Variants in DNAAF5 observed in about 807,000 individuals in gnomAD.
DNAAF5 encodes dynein axonemal assembly factor 5.
A neutral mutation model predicts 75.8 loss-of-function variants in DNAAF5; 64 were observed. The ratio of observed to expected loss-of-function variants is 0.84; its 90% confidence interval spans 0.69 to 1.04. The LOEUF (loss-of-function observed/expected upper bound fraction) is 1.04. DNAAF5 is among the 50% of genes least tolerant of loss of function. DNAAF5 has a pLI of 0.00. For missense variants in DNAAF5, 1,269 were observed against 1,178.5 expected, an observed-to-expected ratio of 1.08 and a Z score of -1.12; for synonymous variants, 657 against 557.2, an observed-to-expected ratio of 1.18 and a Z score of -2.52.
At chr7:782,651 C>A (rs577735242) in intron 12 of DNAAF5, among the ~76,000 whole-genome samples, 2 of 129,680 alleles carry the variant, frequency 1.5e-5, no homozygotes, top group East Asian at 4.7e-4. Flanking sequence ...CCTCCCGTCA[C>A]GCAGCGTCAG....
chr7:763,719 C>T (rs1258096080), intron 7 of DNAAF5, 87 bp from the exon 8 acceptor site: 12 of 1,437,720 alleles, frequency 8.3e-6, no homozygotes, highest in African/African-American at 7.0e-5. Flanking sequence ...GGTTCTTACG[C>T]GTGAGGGGGA....
chr7:734,952 A>T (rs1437500701), intron 2 of DNAAF5, among the ~76,000 whole-genome samples: 1 of 134,822 alleles, frequency 7.4e-6, no homozygotes, highest in Non-Finnish European at 1.6e-5. Flanking sequence ...TGTTGCTCAT[A>T]GTGTTGTTCT....
rs534027051 is a variant in DNAAF5, at chr7:763,905, G to A, written c.1714G>A (p.Ala572Thr). Reference protein sequence around the residue: ...HIGPLLERVTASHLDWTAHSP... With the variant: ...HIGPLLERVTTSHLDWTAHSP... ...TGGTCCCCTCCTGGAGCGGGTGACC[G>A]CGTCGCACCTTGACTGGACCGCACA... The change falls in exon 8 of 13, where the codon GCG (alanine) becomes ACG (threonine). Residue 572 changes from alanine to threonine, a missense_variant. Physicochemically the swap from Ala to Thr is moderately conservative, Grantham distance 58 (BLOSUM62 0). Coordinates refer to ENST00000297440, the MANE Select transcript of DNAAF5 (RefSeq NM_017802.4). 103 of 1,612,200 alleles carry A rather than the reference G, an allele frequency of 6.4e-5. No individual in the cohort carries two copies. The highest frequency in any genetic ancestry group is 3.0e-4 in the South Asian group (27 of 91,088).
chr7:756,255 T>C (rs956275461), intron 5 of DNAAF5, among the ~76,000 whole-genome samples: 1 of 136,756 alleles, frequency 7.3e-6, no homozygotes, highest in African/African-American at 2.8e-5. Flanking sequence ...AATCCCATGG[T>C]GCAGAGGGGC....
chr7:769,098 G>A, intron 8 of DNAAF5: 1 of 740,252 alleles, frequency 1.4e-6, no homozygotes, highest in Non-Finnish European at 2.5e-6. Flanking sequence ...GTCTCCGTGT[G>A]GCAAGGGCAG....
chr7:767,616 G>A (rs1457326594), intron 8 of DNAAF5, among the ~76,000 whole-genome samples: 2 of 152,234 alleles, frequency 1.3e-5, no homozygotes, highest in Non-Finnish European at 2.9e-5. Flanking sequence ...TGGGAAGACA[G>A]GTGTGGTGTG....
At position 749,098 on chromosome 7, in the gene DNAAF5, C is replaced by T. The variant is rs556511670; in HGVS notation, c.1025-5491C>T. On this transcript the variant is annotated intron_variant, in intron 4 of 12. Coordinates refer to ENST00000297440, the MANE Select transcript of DNAAF5 (RefSeq NM_017802.4). ...TTTCCATTAACAGCACTGAAACCTC[C>T]GCCTTAAAAACCAAGCTTCGTGCTG... Among the ~76,000 whole-genome samples, 6 of 152,290 alleles carry T rather than the reference C, an allele frequency of 3.9e-5. No individual in the cohort carries two copies. In the South Asian group the frequency reaches 6.2e-4, roughly 16 times the overall value.
At chr7:768,481 T>C (rs541183421) in intron 8 of DNAAF5, 3 of 149,804 alleles carry the variant, frequency 2.0e-5, no homozygotes, top group African/African-American at 7.5e-5. Context: ...GGCGGAAGTG[T>C]CCGTGCAGCG....
chr7:742,896 T>C (rs542131660), intron 4 of DNAAF5, among the ~76,000 whole-genome samples: 1 of 150,310 alleles, frequency 6.7e-6, no homozygotes, highest in Non-Finnish European at 1.5e-5. Context: ...ATCAATCATG[T>C]CCAGCTCAAA....
intron 6 of DNAAF5, among the ~76,000 whole-genome samples, chr7:757,765 A>C (rs1782531239): frequency 6.6e-6 from 1 of 152,156 alleles, no homozygotes; most frequent in African/African-American, 2.4e-5. Flanking sequence ...TATTTCTGGG[A>C]CACAGGGCTG....
At chr7:745,273 G>A (rs531039514) in intron 4 of DNAAF5, among the ~76,000 whole-genome samples, 50 of 152,226 alleles carry the variant, frequency 3.3e-4, no homozygotes, top group Non-Finnish European at 5.7e-4. Flanking sequence ...TGTCAGTGGG[G>A]CAGGAATGGC....
intron 6 of DNAAF5, among the ~76,000 whole-genome samples, chr7:761,248 C>T (rs1583502188): frequency 1.1e-5 from 1 of 92,632 alleles, no homozygotes; most frequent in African/African-American, 3.3e-5. Flanking sequence ...CTACCTCCAG[C>T]GCCTGGGGGC....
chr7:770,742 C>A, intron 9 of DNAAF5, 124 bp downstream of exon 9: 1 of 897,412 alleles, frequency 1.1e-6, no homozygotes, highest in Non-Finnish European at 1.6e-6. Flanking sequence ...CTGCACTGCG[C>A]AAGGGGTTCC....
At chr7:760,090 T>TCCTCCAGCTCC (rs1782598846) in intron 6 of DNAAF5, among the ~76,000 whole-genome samples, 2 of 13,304 alleles carry the variant, frequency 1.5e-4, no homozygotes, top group African/African-American at 3.0e-4. Context: ...CCTCCAGCTC[T>TCCTCCAGCTCC]GAGGGAGACG....
Position 754,499 on chromosome 7 carries a change from C to T in DNAAF5, c.1025-90C>T, listed in dbSNP as rs1782420541. 1 of 1,063,830 alleles carries T rather than the reference C, an allele frequency of 9.4e-7. No individual in the cohort carries two copies. Among genetic ancestry groups the T allele is most frequent in the Admixed American group, 1.8e-5 (1 of 54,728 alleles). 65.9% of individuals were successfully genotyped at this position (1,063,830 alleles called of 1,614,324 possible). On this transcript the variant is annotated intron_variant, in intron 4 of 12. Transcript: ENST00000297440. The surrounding 1 kb of genome is among the most constrained non-coding windows in gnomAD (Gnocchi z 4.8). ...TTTGAAATGGTGAGGTTGAAACTCA[C>T]AGGTGTCCCTTAAATGTGATGTGCG...
chr7:774,781 T>C (rs1418691361), intron 10 of DNAAF5, among the ~76,000 whole-genome samples: 1 of 152,220 alleles, frequency 6.6e-6, no homozygotes, highest in African/African-American at 2.4e-5. Context: ...TTAGGGTTAG[T>C]GCCTCACCTA....
At chr7:730,653 G>A (rs990894922) in intron 2 of DNAAF5, among the ~76,000 whole-genome samples, 7 of 152,194 alleles carry the variant, frequency 4.6e-5, no homozygotes, top group Non-Finnish European at 8.8e-5. Flanking sequence ...CCGTAGGGCC[G>A]GCTCCAGGTG....
intron 4 of DNAAF5, among the ~76,000 whole-genome samples, chr7:743,504 C>T (rs567251208): frequency 2.0e-5 from 3 of 152,266 alleles, no homozygotes; most frequent in South Asian, 4.1e-4. Context: ...TCCTCCCGGT[C>T]GGCATTCTCC....
rs373432737 is a variant in DNAAF5 at position 768,255 on chromosome 7, G to A, written c.1784-2216G>A. The stretch of plus-strand genomic sequence containing the variant: ...ATCAGGGCGGAAGTGTCCGTGCTGC[G>A]AGGAGGAGCTAGCGCTGGGAGGGGA... On this transcript the variant is annotated intron_variant, in intron 8 of 12. Coordinates refer to ENST00000297440, the MANE Select transcript of DNAAF5 (RefSeq NM_017802.4). Among the ~76,000 whole-genome samples, 32 of 146,944 alleles carry A rather than the reference G, an allele frequency of 2.2e-4. No individual in the cohort carries two copies. In the South Asian group the frequency reaches 5.9e-3, roughly 27 times the overall value.
Sources: allele counts gnomAD v4.1 joint callset (sites outside exome capture counted in the v4.1 genomes callset), GRCh38; gene constraint gnomAD v4.1.1; non-coding constraint Gnocchi (gnomAD v3.1); transcripts MANE v1.5; gene names NCBI Gene and HGNC (gene_info 2026-07-23, HGNC 2026-07-21).